SNTG1: variants seen among roughly 807,000 people sequenced by gnomAD.
SNTG1 encodes gamma-1-syntrophin.
A neutral mutation model predicts 74.7 loss-of-function variants in SNTG1; 39 were observed. The ratio of observed to expected loss-of-function variants is 0.52; its 90% confidence interval spans 0.40 to 0.68. The LOEUF (loss-of-function observed/expected upper bound fraction) is 0.68. Among genes scored for constraint, SNTG1 ranks in the 30% least tolerant of loss-of-function variants. SNTG1 has a pLI of 0.00. For synonymous variants in SNTG1, 254 were observed against 217.1 expected (o/e 1.17, Z -1.49); for missense variants, 685 against 609.5 (o/e 1.12, Z -1.30).
intron 2 of SNTG1, among the ~76,000 whole-genome samples, chr8:50,318,931 T>C (rs1477134933): frequency 6.6e-6 from 1 of 151,942 alleles, no homozygotes; most frequent in East Asian, 1.9e-4. Flanking sequence ...AGAATACATA[T>C]ATGTGTTCTA....
intron 2 of SNTG1, among the ~76,000 whole-genome samples, chr8:50,306,068 C>T (rs1349593031): frequency 7.5e-6 from 1 of 134,146 alleles, no homozygotes; most frequent in Admixed American, 8.0e-5. Context: ...CCTTCTGAGT[C>T]TCTAAAGTCC....
intron 1 of SNTG1, among the ~76,000 whole-genome samples, chr8:50,021,997 A>C (rs1440375549): frequency 1.3e-5 from 2 of 152,006 alleles, no homozygotes; most frequent in Non-Finnish European, 2.9e-5. Flanking sequence ...AAAAGAAGGA[A>C]AAATGCATAG....
intron 18 of SNTG1, among the ~76,000 whole-genome samples, chr8:50,778,641 C>A (rs2095648600): frequency 7.8e-6 from 1 of 127,808 alleles, no homozygotes; most frequent in South Asian, 2.4e-4. Context: ...AATTTTCTCC[C>A]ATTTTGTAGG....
rs529945137 is a variant in SNTG1 at position 50,591,882 on chromosome 8, G to C, written c.849+965G>C. Among the ~76,000 whole-genome samples, 8 of 152,300 alleles carry C rather than the reference G, an allele frequency of 5.3e-5. 1 individual carries two copies. Among genetic ancestry groups the C allele is most frequent in the African/African-American group, 1.4e-4 (6 of 41,570 alleles). On this transcript the variant is annotated intron_variant, in intron 13 of 18. Coordinates refer to ENST00000642720, the MANE Select transcript of SNTG1 (RefSeq NM_018967.5). ...AGTTGATATCTTGGATAAATGCAGA[G>C]GTTGGAGAGATGTACGTGTCTTGCC...
intron 1 of SNTG1, among the ~76,000 whole-genome samples, chr8:50,165,503 C>G (rs932530440): frequency 2.0e-5 from 3 of 152,156 alleles, no homozygotes; most frequent in Non-Finnish European, 4.4e-5. Context: ...CCAGATAGAG[C>G]TTTTGTATCT....
chr8:50,051,948 G>A (rs372085500), intron 1 of SNTG1, among the ~76,000 whole-genome samples: 2 of 151,904 alleles, frequency 1.3e-5, no homozygotes, highest in East Asian at 3.9e-4. Context: ...AATATTTCAT[G>A]GTGATGGATT....
At chr8:50,546,385 T>G (rs1369148813) in intron 11 of SNTG1, among the ~76,000 whole-genome samples, 1 of 139,060 alleles carries the variant, frequency 7.2e-6, no homozygotes, top group Non-Finnish European at 1.5e-5. Context: ...AAGACTTTTT[T>G]ATTATTATTA....
chr8:49,995,242 A>C (rs1339654487), intron 1 of SNTG1, among the ~76,000 whole-genome samples: 1 of 152,210 alleles, frequency 6.6e-6, no homozygotes, highest in African/African-American at 2.4e-5. Context: ...GAAAATGAAA[A>C]AAAGAAAGGA....
intron 2 of SNTG1, among the ~76,000 whole-genome samples, chr8:50,340,056 GAAGA>G (rs947120656): frequency 3.6e-4 from 54 of 151,936 alleles, no homozygotes; most frequent in Non-Finnish European, 3.8e-4. Flanking sequence ...ACAAAGCTCT[GAAGA>G]AAGACATTAA....
intron 13 of SNTG1, among the ~76,000 whole-genome samples, chr8:50,609,183 C>A (rs1051330823): frequency 1.3e-5 from 2 of 151,988 alleles, no homozygotes; most frequent in Non-Finnish European, 2.9e-5. Flanking sequence ...CATTAGTTTT[C>A]GTTTCTCACA....
intron 12 of SNTG1, among the ~76,000 whole-genome samples, chr8:50,582,640 A>G (rs570964079): frequency 1.3e-5 from 2 of 152,280 alleles, no homozygotes; most frequent in East Asian, 3.9e-4. Context: ...AAATATTCCA[A>G]TACAATTCTA....
intron 1 of SNTG1, among the ~76,000 whole-genome samples, chr8:50,069,422 AGTTAT>A (rs1332154623): frequency 6.6e-6 from 1 of 152,164 alleles, no homozygotes; most frequent in Non-Finnish European, 1.5e-5. Flanking sequence ...GTGATCATAA[AGTTAT>A]TATCCACAGA....
At chr8:50,429,332 A>G (rs1161660202) in intron 4 of SNTG1, among the ~76,000 whole-genome samples, 1 of 152,148 alleles carries the variant, frequency 6.6e-6, no homozygotes. Flanking sequence ...TCAGAAATAA[A>G]CAAATTCATA....
At position 50,344,712 on chromosome 8, in the gene SNTG1, C is replaced by T. The variant is rs369563237; in HGVS notation, c.-27-49500C>T. ...AGCACAGATGCAGGTGTGGCCAAGG[C>T]TTCTCAAAAGGCTTCTCACATTGGA... On this transcript the variant is annotated intron_variant, in intron 2 of 18. Coordinates refer to ENST00000642720, the MANE Select transcript of SNTG1 (RefSeq NM_018967.5). Among the ~76,000 whole-genome samples, 152 of 152,290 alleles carry T rather than the reference C, an allele frequency of 1.0e-3. 1 individual carries two copies. Among genetic ancestry groups the T allele is most frequent in the African/African-American group, 3.2e-3 (134 of 41,582 alleles).
intron 2 of SNTG1, among the ~76,000 whole-genome samples, chr8:50,333,614 A>T (rs1420735621): frequency 6.6e-6 from 1 of 152,238 alleles, no homozygotes; most frequent in Non-Finnish European, 1.5e-5. Flanking sequence ...CTTATGGAAG[A>T]GGAACAAATA....
chr8:50,255,545 G>A (rs1216901337), intron 2 of SNTG1, among the ~76,000 whole-genome samples: 1 of 152,148 alleles, frequency 6.6e-6, no homozygotes, highest in Non-Finnish European at 1.5e-5. Context: ...AGACTTGTGA[G>A]CAAGAATCTG....
chr8:50,290,735 A>T (rs2089051595), intron 2 of SNTG1, among the ~76,000 whole-genome samples: 2 of 152,006 alleles, frequency 1.3e-5, no homozygotes, highest in African/African-American at 4.8e-5. Flanking sequence ...ACATTTTTAA[A>T]TTTTTTGGGA....
At chr8:50,463,290 G>T (rs1383403116) in intron 8 of SNTG1, among the ~76,000 whole-genome samples, 26 of 151,960 alleles carry the variant, frequency 1.7e-4, no homozygotes, top group Admixed American at 1.7e-3. Context: ...TTTTTTAATG[G>T]CATCTAGAGT....
At chr8:50,296,334 T>C (rs1054179844) in intron 2 of SNTG1, among the ~76,000 whole-genome samples, 11 of 152,176 alleles carry the variant, frequency 7.2e-5, no homozygotes, top group Admixed American at 2.0e-4. Flanking sequence ...TGCAGCACAA[T>C]TTACAATTGC....
Sources: gnomAD v4.1 joint callset for allele counts (sites outside exome capture counted in the v4.1 genomes callset) on GRCh38, gnomAD v4.1.1 for gene constraint, MANE v1.5 for transcripts, NCBI Gene and HGNC (gene_info 2026-07-23, HGNC 2026-07-21) for gene names.